FGF13: variants seen among roughly 807,000 people sequenced by gnomAD.
FGF13 encodes the protein fibroblast growth factor 13.
In FGF13, 2 loss-of-function variants were observed where a neutral mutation model predicts 19.5. The ratio of observed to expected loss-of-function variants is 0.10; its 90% CI spans 0.04 to 0.32. The LOEUF (loss-of-function observed/expected upper bound fraction) is 0.32, where lower values mean the gene tolerates loss of function less well. Among genes scored for constraint, FGF13 ranks in the 10% least tolerant of loss-of-function variants. The pLI is 1.00. For missense variants in FGF13, 113 were observed against 192.7 expected, an observed-to-expected ratio of 0.59 and a Z score of 2.45; for synonymous variants, 72 against 76.9, an observed-to-expected ratio of 0.94 and a Z score of 0.33.
At chrX:139,056,075 A>C (rs939286780) in intron 1 of FGF13, among the ~76,000 whole-genome samples, 2 of 112,552 alleles carry the variant, frequency 1.8e-5, no homozygotes, top group African/African-American at 6.5e-5. Context: ...TAATGAATGA[A>C]TATAAGTGTC....
intron 1 of FGF13, among the ~76,000 whole-genome samples, chrX:138,939,381 C>G (rs1468919663): frequency 8.9e-6 from 1 of 111,818 alleles, no homozygotes; most frequent in Non-Finnish European, 1.9e-5. Context: ...AAATCCTCAG[C>G]TTTTTAAATT....
chrX:139,083,786 G>A (rs1406134486), intron 1 of FGF13, among the ~76,000 whole-genome samples: 1 of 111,621 alleles, frequency 9.0e-6, no homozygotes, highest in Non-Finnish European at 1.9e-5. Flanking sequence ...CAGGAGAACT[G>A]CTTGAACCAG....
intron 4 of FGF13, 71 bp from the exon 5 acceptor site, chrX:138,633,057 A>G (rs1223374933): frequency 2.8e-6 from 3 of 1,090,256 alleles, no homozygotes; most frequent in East Asian, 6.1e-5. Flanking sequence ...TTCTAAGAAT[A>G]GTTTGTAGGT....
Position 138,627,682 on chromosome X carries a change from G to GTT in FGF13, c.*5166_*5167dup, listed in dbSNP as rs2089078453. On this transcript the variant is annotated 3_prime_UTR_variant, in exon 5 of 5. Transcript: ENST00000315930. ...TTTGTACAAAAGAGAAATAGGCAGT[G>GTT]TTTGTAACAAAAACTAATATAAAAT... The GTT allele has an allele frequency of 3.7e-5, 4 of 108,427 alleles. No individual in the cohort carries two copies. The South Asian group carries it at 1.6e-3, about 44-fold the overall frequency. 8.9% of individuals were successfully genotyped at this position (108,427 alleles called of 1,213,427 possible).
intron 1 of FGF13, among the ~76,000 whole-genome samples, chrX:139,069,962 C>G (rs760825385): frequency 3.0e-4 from 34 of 111,953 alleles, no homozygotes; most frequent in African/African-American, 1.1e-3. Context: ...CTTCCTTACA[C>G]CTTATACAAA....
intron 3 of FGF13, among the ~76,000 whole-genome samples, chrX:138,747,173 G>C (rs1318978187): frequency 1.8e-5 from 2 of 111,611 alleles, no homozygotes; most frequent in African/African-American, 6.5e-5. Flanking sequence ...ATGCTAACAG[G>C]AGAAGGCAGC....
chrX:139,053,858 T>C (rs774205074), intron 1 of FGF13, among the ~76,000 whole-genome samples: 6 of 111,595 alleles, frequency 5.4e-5, no homozygotes, highest in Admixed American at 2.9e-4. Flanking sequence ...GTTTTTCCAA[T>C]GCTATCTTCT....
intron 1 of FGF13, among the ~76,000 whole-genome samples, chrX:139,194,519 A>C (rs185137982): frequency 8.9e-6 from 1 of 112,660 alleles, no homozygotes; most frequent in Admixed American, 9.3e-5. Context: ...AGCTAAAGTC[A>C]AATTAGCATT....
Position 138,621,961 on chromosome X carries a change from C to T in FGF13, c.*10889G>A. 9.0e-6 allele frequency: 1 copy of T among 110,513 alleles called. No individual in the cohort carries two copies. The highest frequency in any genetic ancestry group is 2.8e-4 in the East Asian group (1 of 3,519). The allele number at this position is 110,513 out of a possible 1,213,427, so 9.1% of individuals were successfully genotyped here. A position where few individuals can be genotyped will look rare whatever the true frequency, so the allele number is the denominator to read the frequency against. On this transcript the variant is annotated 3_prime_UTR_variant, in exon 5 of 5. Transcript: ENST00000315930. ...GAATCAGCAATTTTTTAAAAAAGAA[C>T]TTCCCAACAAAGTAAAGCCCAGAAC... is the stretch of plus-strand genomic sequence containing the variant.
chrX:139,104,059 T>C (rs899734829), intron 1 of FGF13, among the ~76,000 whole-genome samples: 1 of 111,542 alleles, frequency 9.0e-6, no homozygotes, highest in East Asian at 2.9e-4. Context: ...GCGGCAATGG[T>C]AGTATCTGCC....
chrX:138,712,984 G>T (rs1389786247), upstream of FGF13, among the ~76,000 whole-genome samples: 1 of 112,413 alleles, frequency 8.9e-6, no homozygotes, highest in Non-Finnish European at 1.9e-5. Context: ...CACAGGGGAA[G>T]CTGTTGCTAC....
chrX:139,175,760 G>A (rs1159465325), intron 1 of FGF13, among the ~76,000 whole-genome samples: 1 of 111,909 alleles, frequency 8.9e-6, no homozygotes, highest in African/African-American at 3.2e-5. Context: ...CCACTTGATT[G>A]TAGTGGATAA....
intron 1 of FGF13, among the ~76,000 whole-genome samples, chrX:139,013,133 C>A (rs767526681): frequency 2.8e-4 from 31 of 111,039 alleles, no homozygotes; most frequent in Middle Eastern, 4.6e-3. Context: ...AAATCAAAAT[C>A]AAAATGCAAT....
At chrX:139,108,664 ATTTTT>A (rs981820952) in intron 1 of FGF13, among the ~76,000 whole-genome samples, 1 of 110,155 alleles carries the variant, frequency 9.1e-6, no homozygotes, top group Non-Finnish European at 1.9e-5. Context: ...TTATATATAT[ATTTTT>A]TTTAATTTTA....
rs746789344 is a variant in FGF13, at chrX:138,733,913, T to C, written c.28+5329A>G. 2.9e-3 allele frequency among the ~76,000 whole-genome samples: 318 copies of C among 111,231 alleles called. 1 individual carries two copies. Among genetic ancestry groups the C allele is most frequent in the Non-Finnish European group, 4.9e-3 (259 of 52,830 alleles). On this transcript the variant is annotated intron_variant, in intron 1 of 4. Transcript: ENST00000305414. ...AAAATGAAAACCTGACATTTTGTCT[T>C]TGGACTGTTTTCCTTTGGAGTACTA...
chrX:138,941,092 C>T (rs948993192), intron 1 of FGF13, among the ~76,000 whole-genome samples: 2 of 110,867 alleles, frequency 1.8e-5, no homozygotes, highest in Non-Finnish European at 3.8e-5. Context: ...TATGACAAAC[C>T]CACAGCCCAC....
chrX:138,870,370 T>C (rs991112963), intron 1 of FGF13, among the ~76,000 whole-genome samples: 3 of 112,003 alleles, frequency 2.7e-5, no homozygotes, highest in African/African-American at 9.7e-5. Flanking sequence ...AAACTGAATG[T>C]CAAAGAGGTT....
chrX:138,880,649 G>A (rs1160991342), intron 1 of FGF13, among the ~76,000 whole-genome samples: 1 of 111,620 alleles, frequency 9.0e-6, no homozygotes, highest in Admixed American at 9.5e-5. Flanking sequence ...ACTTGCATGT[G>A]GAAATCCAGT....
chrX:139,147,676 C>T (rs1189673584), intron 1 of FGF13, among the ~76,000 whole-genome samples: 1 of 111,481 alleles, frequency 9.0e-6, no homozygotes, highest in East Asian at 2.8e-4. Flanking sequence ...CAGAGACATG[C>T]TTCCTTGGCT....
Sources: gnomAD v4.1 joint callset for allele counts (sites outside exome capture counted in the v4.1 genomes callset) on GRCh38, gnomAD v4.1.1 for gene constraint, MANE v1.5 for transcripts, NCBI Gene and HGNC (gene_info 2026-07-23, HGNC 2026-07-21) for gene names.